Variants in OSBPL6 observed in about 807,000 individuals in gnomAD.
The protein encoded by OSBPL6 is oxysterol-binding protein-related protein 6.
In OSBPL6, 49 loss-of-function variants were observed where a neutral mutation model predicts 125.8. The ratio of observed to expected loss-of-function variants is 0.39; its 90% confidence interval spans 0.31 to 0.49. The LOEUF (loss-of-function observed/expected upper bound fraction) is 0.49, where lower values mean the gene tolerates loss of function less well. OSBPL6 is among the 20% of genes least tolerant of loss of function. The pLI is 0.88. For missense variants in OSBPL6, 986 were observed against 1,135.4 expected, an observed-to-expected ratio of 0.87 and a Z score of 1.89; for synonymous variants, 394 against 391.8, an observed-to-expected ratio of 1.01 and a Z score of -0.07.
At chr2:178,362,735 C>G (rs1343853812) in intron 13 of OSBPL6, among the ~76,000 whole-genome samples, 1 of 152,122 alleles carries the variant, frequency 6.6e-6, no homozygotes, top group East Asian at 1.9e-4. Flanking sequence ...GAACTGTCGG[C>G]GTATTTTCAG....
chr2:178,262,058 ATT>A (rs1398712242), intron 1 of OSBPL6, among the ~76,000 whole-genome samples: 1 of 143,400 alleles, frequency 7.0e-6, no homozygotes, highest in Admixed American at 7.1e-5. Flanking sequence ...TTTGGTTAGT[ATT>A]TTGTCTTAAG....
At chr2:178,353,813 G>C (rs921664899) in intron 12 of OSBPL6, among the ~76,000 whole-genome samples, 2 of 152,184 alleles carry the variant, frequency 1.3e-5, no homozygotes, top group African/African-American at 2.4e-5. Flanking sequence ...AAGTTGAAAT[G>C]AAGGAAAAAA....
chr2:178,354,076 C>T (rs909827439), intron 12 of OSBPL6, among the ~76,000 whole-genome samples: 1 of 152,116 alleles, frequency 6.6e-6, no homozygotes, highest in Non-Finnish European at 1.5e-5. Context: ...TACATGAGCT[C>T]CTGAAGGAAG....
chr2:178,247,041 A>C (rs113524171), intron 1 of OSBPL6, among the ~76,000 whole-genome samples: 1 of 129,590 alleles, frequency 7.7e-6, no homozygotes, highest in Non-Finnish European at 1.5e-5. Context: ...TGTGTACTCA[A>C]CTTCTCACCA....
At chr2:178,332,573 C>T (rs2154077840) in intron 6 of OSBPL6, 68 bp from the exon 7 acceptor site, 1 of 1,186,862 alleles carries the variant, frequency 8.4e-7, no homozygotes, top group South Asian at 1.3e-5. Flanking sequence ...TTTGAGTTCA[C>T]TTAAATACAG....
Position 178,330,533 on chromosome 2 carries a change from C to T in OSBPL6, c.319-1019C>T, listed in dbSNP as rs141819060. Among the ~76,000 whole-genome samples the T allele has an allele frequency of 1.2e-4, 18 of 152,266 alleles. No individual in the cohort carries two copies. In the South Asian group the frequency reaches 1.2e-3, roughly 11 times the overall value. ...TTTTTCCAGTGTTTACTTGTTGTCCCGCAGAACCTGTAACAAAGGGTTTAC... is the reference window on the plus strand; with the variant it reads ...TTTTTCCAGTGTTTACTTGTTGTCCTGCAGAACCTGTAACAAAGGGTTTAC... On this transcript the variant is annotated intron_variant, in intron 5 of 24. Transcript: ENST00000190611.
intron 2 of OSBPL6, among the ~76,000 whole-genome samples, chr2:178,285,598 G>A (rs958307509): frequency 6.6e-6 from 1 of 152,210 alleles, no homozygotes; most frequent in Non-Finnish European, 1.5e-5. Context: ...TGAAATGGCT[G>A]TGGTACTAGC....
chr2:178,353,526 A>G (rs7572355), intron 12 of OSBPL6, among the ~76,000 whole-genome samples: 39,009 of 152,064 alleles, frequency 0.26, 5,294 homozygotes, highest in Admixed American at 0.38. Flanking sequence ...ATGAAATAAA[A>G]CAAGAAGACA....
intron 1 of OSBPL6, among the ~76,000 whole-genome samples, chr2:178,268,840 G>C (rs544251283): frequency 1.3e-5 from 2 of 151,830 alleles, no homozygotes; most frequent in African/African-American, 2.4e-5. Context: ...TGGGTTGGTA[G>C]AGCTCAGAGA....
At chr2:178,349,083 A>G in intron 11 of OSBPL6, 141 bp from the exon 12 acceptor site, 1 of 923,940 alleles carries the variant, frequency 1.1e-6, no homozygotes, top group Admixed American at 2.2e-5. Flanking sequence ...CTGCCTGCAA[A>G]ATAAATGAGT....
intron 1 of OSBPL6, among the ~76,000 whole-genome samples, chr2:178,200,387 G>A (rs2089184323): frequency 6.6e-6 from 1 of 151,666 alleles, no homozygotes; most frequent in South Asian, 2.1e-4. Flanking sequence ...CAGTAGCTGG[G>A]ACTACAGGTG....
chr2:178,200,586 G>A (rs919662360), intron 1 of OSBPL6, among the ~76,000 whole-genome samples: 7 of 151,750 alleles, frequency 4.6e-5, no homozygotes, highest in Non-Finnish European at 1.0e-4. Context: ...CACAAATCAT[G>A]ATGTAACTTT....
chr2:178,339,638 T>A (rs778038061), intron 10 of OSBPL6, 34 bp from the exon 11 acceptor site: 7 of 1,526,162 alleles, frequency 4.6e-6, no homozygotes, highest in Non-Finnish European at 6.2e-6. Context: ...AACTTAATAA[T>A]ACTTTGTTGC....
chr2:178,337,254 AT>A (rs1306924462), intron 9 of OSBPL6, among the ~76,000 whole-genome samples: 1 of 152,010 alleles, frequency 6.6e-6, no homozygotes, highest in Non-Finnish European at 1.5e-5. Flanking sequence ...TTTTCAAATT[AT>A]TTTTTCTTAT....
At chr2:178,303,557 T>A (rs1052977694) in intron 2 of OSBPL6, among the ~76,000 whole-genome samples, 4 of 152,212 alleles carry the variant, frequency 2.6e-5, no homozygotes, top group Non-Finnish European at 5.9e-5. Context: ...AAGGATCTGA[T>A]TAATATATCT....
chr2:178,218,786 T>C (rs2090206190), intron 1 of OSBPL6, among the ~76,000 whole-genome samples: 1 of 151,878 alleles, frequency 6.6e-6, no homozygotes, highest in African/African-American at 2.4e-5. Flanking sequence ...TGCGTCACCA[T>C]GCCCAGCTGA....
At chr2:178,339,182 T>G (rs1287867306) in intron 10 of OSBPL6, 88 bp downstream of exon 10, 12 of 730,158 alleles carry the variant, frequency 1.6e-5, no homozygotes, top group Non-Finnish European at 2.6e-5. Flanking sequence ...TAAGGTAACA[T>G]TTAAAGATAA....
chr2:178,361,099 T>G (rs888808210), intron 12 of OSBPL6, among the ~76,000 whole-genome samples: 1 of 152,230 alleles, frequency 6.6e-6, no homozygotes, highest in African/African-American at 2.4e-5. Flanking sequence ...TCAAAGCACT[T>G]TAACAACAAG....
intron 3 of OSBPL6, among the ~76,000 whole-genome samples, chr2:178,318,355 C>A (rs1248563675): frequency 6.6e-6 from 1 of 152,046 alleles, no homozygotes; most frequent in Non-Finnish European, 1.5e-5. Context: ...GCTGTGTAGA[C>A]TTTTTTCAGC....
Sources: gnomAD v4.1 joint callset for allele counts (sites outside exome capture counted in the v4.1 genomes callset) on GRCh38, gnomAD v4.1.1 for gene constraint, MANE v1.5 for transcripts, NCBI Gene and HGNC (gene_info 2026-07-23, HGNC 2026-07-21) for gene names.